ADCY10: variants seen among roughly 807,000 people sequenced by gnomAD.
ADCY10 encodes the protein adenylate cyclase type 10.
ADCY10 carries 156 observed loss-of-function variants against 183.3 expected under a neutral mutation model. That is an observed-to-expected ratio of 0.85 (90% confidence interval 0.75 to 0.97). The LOEUF is 0.97. Among genes scored for constraint, ADCY10 ranks in the 50% least tolerant of loss-of-function variants. The probability of loss-of-function intolerance (pLI) is 0.00; values close to 1 mark genes in which losing one functional copy is unlikely to be tolerated. For missense variants in ADCY10, 1,745 were observed against 1,934.3 expected, an observed-to-expected ratio of 0.90 and a Z score of 1.84; for synonymous variants, 645 against 670.0, an observed-to-expected ratio of 0.96 and a Z score of 0.58.
chr1:167,876,109 T>TA (rs2102207560), intron 12 of ADCY10, among the ~76,000 whole-genome samples: 1 of 152,142 alleles, frequency 6.6e-6, no homozygotes, highest in African/African-American at 2.4e-5. Context: ...ATACAAAAAT[T>TA]AGCTGGGCGT....
At chr1:167,904,081 GC>G (rs1669646812) in intron 2 of ADCY10, 90 bp from the exon 3 acceptor site, 8 of 501,766 alleles carry the variant, frequency 1.6e-5, no homozygotes, top group Admixed American at 6.9e-5. Flanking sequence ...GCGGGCCTCA[GC>G]TTTTTTTTTT....
chr1:167,846,222 G>A lies in ADCY10; in HGVS notation c.2479C>T (p.Gln827Ter), dbSNP rs534480122. 1 of 1,614,188 alleles carries A rather than the reference G, an allele frequency of 6.2e-7. No homozygotes were observed. The highest frequency in any genetic ancestry group is 8.5e-7 in the Non-Finnish European group (1 of 1,180,040). Residue 827 changes from glutamine (Q) to a stop codon, truncating the protein, a stop_gained, in exon 20 of 33, where the codon CAA becomes TAA. Coordinates refer to ENST00000367851, the MANE Select transcript of ADCY10 (RefSeq NM_018417.6). LOFTEE classifies it high-confidence loss of function. The part of the protein sequence containing the change: ...IQLDSMRLSH[Q>*]MLVRCAAIIG... ...ATGGCAGCACATCTCACCAGCATTT[G>A]GTGGGAAAGTCTCATGCTATCCAGC...
intron 14 of ADCY10, among the ~76,000 whole-genome samples, chr1:167,865,081 A>G (rs968961094): frequency 6.6e-6 from 1 of 152,244 alleles, no homozygotes; most frequent in Non-Finnish European, 1.5e-5. Flanking sequence ...TAAAAAATTT[A>G]TGCAAAAAAT....
chr1:167,881,955 G>A (rs191136006), intron 9 of ADCY10, among the ~76,000 whole-genome samples: 1 of 152,292 alleles, frequency 6.6e-6, no homozygotes, highest in East Asian at 1.9e-4. Context: ...TAGAATGCAT[G>A]CTTCCTGCCT....
chr1:167,904,688 T>G, intron 2 of ADCY10: 2 of 592,034 alleles, frequency 3.4e-6, no homozygotes, highest in Non-Finnish European at 6.0e-6. Flanking sequence ...TTGACTGGGA[T>G]GTGTATGGGG....
intron 11 of ADCY10, among the ~76,000 whole-genome samples, chr1:167,879,564 T>G (rs2102237053): frequency 6.6e-6 from 1 of 152,288 alleles, no homozygotes; most frequent in East Asian, 1.9e-4. Flanking sequence ...CCCCACCCTG[T>G]GTACTTTTGA....
chr1:167,864,548 A>C (rs1435655807), intron 14 of ADCY10, among the ~76,000 whole-genome samples: 3 of 152,152 alleles, frequency 2.0e-5, no homozygotes, highest in Non-Finnish European at 2.9e-5. Context: ...TAAGAGAGGC[A>C]GAAAGAGAGG....
In ADCY10 at chr1:167,870,387, A is replaced by C. The variant is rs769051846; in HGVS notation, c.1486T>G (p.Phe496Val). 6.8e-6 allele frequency: 11 copies of C among 1,611,272 alleles called. No individual in the cohort carries two copies. The highest frequency in any genetic ancestry group is 3.3e-5 in the Admixed American group (2 of 59,984). The change falls in exon 14 of 33, where the codon TTC becomes GTC. Residue 496 changes from phenylalanine to valine, a missense_variant. Physicochemically the swap from Phe to Val is conservative, Grantham distance 50. Transcript: ENST00000367851. ...AAAAATTTCTTCATAGTATACATGA[A>C]GTAGTTGATCTCTTTATTACGTCCT... ...LLGRNKEINYFMYTMKKFLIS... is the reference protein window; with the variant it reads ...LLGRNKEINYVMYTMKKFLIS...
rs1449701316 is a variant in ADCY10 at position 167,896,579 on chromosome 1, C to T, written c.739+16G>A. ...ACTGGTAGAGGCAAAGGCATTTTTCCATGGTGGGTACTTACTTTTGTGCTC... is the reference window on the plus strand; with the variant it reads ...ACTGGTAGAGGCAAAGGCATTTTTCTATGGTGGGTACTTACTTTTGTGCTC... On this transcript the variant is annotated intron_variant, in intron 7 of 32. Coordinates refer to ENST00000367851, the MANE Select transcript of ADCY10 (RefSeq NM_018417.6). The T allele has an allele frequency of 1.9e-6, 3 of 1,592,044 alleles. No homozygotes were observed. Among genetic ancestry groups the T allele is most frequent in the Non-Finnish European group, 2.6e-6 (3 of 1,160,192 alleles).
intron 31 of ADCY10, 113 bp from the exon 32 acceptor site, chr1:167,811,026 G>A: frequency 2.0e-6 from 2 of 992,798 alleles, no homozygotes; most frequent in Non-Finnish European, 3.1e-6. Context: ...GCAATCAAGT[G>A]AGAAAATACA....
At chr1:167,834,370 A>G in intron 23 of ADCY10, 1 of 483,518 alleles carries the variant, frequency 2.1e-6, no homozygotes, top group Non-Finnish European at 3.8e-6. Context: ...CCTTACCCGA[A>G]GTTTCCCTCA....
At chr1:167,905,464 G>A (rs1234839682) in intron 1 of ADCY10, among the ~76,000 whole-genome samples, 1 of 152,190 alleles carries the variant, frequency 6.6e-6, no homozygotes, top group Non-Finnish European at 1.5e-5. Context: ...TGCAGGAAGG[G>A]GTAGGCCCTC....
Position 167,896,616 on chromosome 1 carries a change from A to C in ADCY10, c.718T>G (p.Tyr240Asp). 1.2e-6 allele frequency: 2 copies of C among 1,613,460 alleles called. No homozygotes were observed. Among genetic ancestry groups the C allele is most frequent in the Non-Finnish European group, 1.7e-6 (2 of 1,179,368 alleles). ...FTKCTTFMHY[Y>D]PSGEHKNLLR... ...TTACTTTTGTGCTCACCAGAAGGAT[A>C]ATAATGCATGAAGGTCGTACACTTT... Residue 240 changes from tyrosine to aspartate, a missense_variant, in exon 7 of 33, where the codon TAT (tyrosine) becomes GAT (aspartate). By Grantham distance (160) the Tyr-to-Asp change is radical. Coordinates refer to ENST00000367851, the MANE Select transcript of ADCY10 (RefSeq NM_018417.6).
At chr1:167,848,208 C>T (rs979934256) in intron 19 of ADCY10, among the ~76,000 whole-genome samples, 153 bp downstream of exon 19, 1 of 152,028 alleles carries the variant, frequency 6.6e-6, no homozygotes, top group Non-Finnish European at 1.5e-5. Flanking sequence ...AGGTGTGTGC[C>T]TGGCTAATTT....
Position 167,861,083 on chromosome 1 carries a change from G to C in ADCY10, c.1617-20C>G. ...ATAATCCTGTTTGTGAGAAAATCAA[G>C]AAACAGAAGAGAGTTTTTAAATATA... On this transcript the variant is annotated intron_variant, in intron 14 of 32. Coordinates refer to ENST00000367851, the MANE Select transcript of ADCY10 (RefSeq NM_018417.6). 6.3e-7 allele frequency: 1 copy of C among 1,598,942 alleles called. No homozygotes were observed. Among genetic ancestry groups the C allele is most frequent in the Non-Finnish European group, 8.6e-7 (1 of 1,166,464 alleles).
At chr1:167,895,258 G>T (rs1221649699) in intron 7 of ADCY10, among the ~76,000 whole-genome samples, 1 of 151,946 alleles carries the variant, frequency 6.6e-6, no homozygotes, top group African/African-American at 2.4e-5. Context: ...TTTATAGAAG[G>T]TACCATTAAG....
chr1:167,872,070 G>A (rs992896251), intron 13 of ADCY10, among the ~76,000 whole-genome samples: 1 of 152,056 alleles, frequency 6.6e-6, no homozygotes, highest in Non-Finnish European at 1.5e-5. Flanking sequence ...GGCTGGGAGC[G>A]GTGGCTCACG....
chr1:167,880,663 G>C, intron 9 of ADCY10, 54 bp from the exon 10 acceptor site: 1 of 1,369,078 alleles, frequency 7.3e-7, no homozygotes. Context: ...CTTTAAACTG[G>C]ACTGGCCAGA....
intron 1 of ADCY10, among the ~76,000 whole-genome samples, chr1:167,913,374 C>G (rs1670273212): frequency 6.6e-6 from 1 of 152,128 alleles, no homozygotes; most frequent in South Asian, 2.1e-4. Context: ...AACTTTTCAC[C>G]TACATGTAAA....
Sources: allele counts gnomAD v4.1 joint callset (sites outside exome capture counted in the v4.1 genomes callset), GRCh38; gene constraint gnomAD v4.1.1; transcripts MANE v1.5; gene names NCBI Gene and HGNC (gene_info 2026-07-23, HGNC 2026-07-21).